Variants in SPTBN4 observed in about 807,000 individuals in gnomAD.
SPTBN4 encodes spectrin beta chain, non-erythrocytic 4.
SPTBN4 carries 96 observed loss-of-function variants against 277.8 expected under a neutral mutation model. That is an observed-to-expected ratio of 0.35 (90% CI 0.29 to 0.41). SPTBN4 has a LOEUF of 0.41. Ranked by LOEUF, SPTBN4 falls within the 10% of genes least tolerant of loss-of-function variation. The pLI, the probability that SPTBN4 is intolerant of heterozygous loss-of-function variation, is 1.00. For synonymous variants in SPTBN4, 1,481 were observed against 1,580.3 expected (o/e 0.94, Z 1.49); for missense variants, 3,006 against 3,595.7 (o/e 0.84, Z 4.19).
rs751186760 is a variant in SPTBN4 at position 40,509,406 on chromosome 19, C to T, written c.1816+3020C>T. 4.6e-5 allele frequency among the ~76,000 whole-genome samples: 7 copies of T among 151,718 alleles called. No homozygotes were observed. In the East Asian group the frequency reaches 7.7e-4, roughly 17 times the overall value. ...GATTATAGGCATGCGCCACCATGTC[C>T]GGCTAATTTTGTATTTTTAGTAGAG... is the stretch of plus-strand genomic sequence containing the variant. On this transcript the variant is annotated intron_variant, in intron 13 of 35. Transcript: ENST00000598249.
At position 40,512,939 on chromosome 19, in the gene SPTBN4, A is replaced by G. The variant is rs1488146849; in HGVS notation, c.2150A>G (p.Gln717Arg). Residue 717 changes from glutamine (Q) to arginine (R), a missense_variant, in exon 14 of 36, where the codon CAG (glutamine) becomes CGG (arginine). Physicochemically the swap from Gln to Arg is conservative, Grantham distance 43 (BLOSUM62 1). This residue lies in a region of SPTBN4 where 1,759 missense variants were observed against 2,061.5 expected (regional missense o/e 0.85). Transcript: ENST00000598249. ...GGCGGGCGGCGAGCGTTGCTGCAGC[A>G]GGCCCTGCGGTGTGGCGAGGAGCTG... ...ELGGRRALLQQALRCGEELVA... is the reference protein window; with the variant it reads ...ELGGRRALLQRALRCGEELVA... The G allele has an allele frequency of 2.1e-6, 3 of 1,422,432 alleles. No individual in the cohort carries two copies. The highest frequency in any genetic ancestry group is 2.7e-6 in the Non-Finnish European group (3 of 1,099,780). The allele number at this position is 1,422,432 out of a possible 1,614,324, so 88.1% of individuals were successfully genotyped here.
rs780665208 is a variant in SPTBN4, at chr19:40,515,362, C to G, written c.2817C>G (p.Asp939Glu). 13 of 1,610,026 alleles carry G rather than the reference C, an allele frequency of 8.1e-6. No individual in the cohort carries two copies. In the African/African-American group the frequency reaches 1.6e-4, roughly 20 times the overall value. Residue 939 changes from aspartate (D) to glutamate (E), a missense_variant, in exon 15 of 36, where the codon GAC (aspartate) becomes GAG (glutamate). Asp to Glu is a conservative substitution (Grantham distance 45). This residue lies in a region of SPTBN4 where 1,759 missense variants were observed against 2,061.5 expected (regional missense o/e 0.85). Coordinates refer to ENST00000598249, the MANE Select transcript of SPTBN4 (RefSeq NM_020971.3). The surrounding 1 kb of genome is among the most constrained non-coding windows in gnomAD (Gnocchi z 4.1). ...ACAGCCTGATGGGCCGCGTTCTGGACGTGAACCACACAGTCCAGGAGCTGG... is the reference window on the plus strand; with the variant it reads ...ACAGCCTGATGGGCCGCGTTCTGGAGGTGAACCACACAGTCCAGGAGCTGG... ...EMNSLMGRVL[D>E]VNHTVQELVE...
intron 5 of SPTBN4, among the ~76,000 whole-genome samples, chr19:40,494,063 C>A (rs926280717): frequency 6.6e-6 from 1 of 152,038 alleles, no homozygotes; most frequent in Non-Finnish European, 1.5e-5. Flanking sequence ...GGAAGGTTCC[C>A]TTTGGCCCCC....
At chr19:40,566,844 A>C (rs111323253) in intron 30 of SPTBN4, among the ~76,000 whole-genome samples, 21,804 of 151,864 alleles carry the variant, frequency 0.14, 1,616 homozygotes, top group Non-Finnish European at 0.16. Flanking sequence ...GCACGCCTGT[A>C]ATCCCAGCTA....
At chr19:40,483,108 T>A (rs550501620) in intron 2 of SPTBN4, among the ~76,000 whole-genome samples, 1 of 152,122 alleles carries the variant, frequency 6.6e-6, no homozygotes. Context: ...CCAAATCTAG[T>A]CCAAATCCCT....
intron 30 of SPTBN4, 135 bp downstream of exon 30, chr19:40,566,494 A>G (rs1195862685): frequency 2.5e-6 from 2 of 788,286 alleles, no homozygotes; most frequent in Non-Finnish European, 1.8e-6. Context: ...GACTCTTGCT[A>G]GGCTCCCAGT....
rs1374190713 is a variant in SPTBN4 at position 40,519,833 on chromosome 19, C to A, written c.3336C>A (p.Gly1112=). The change falls in exon 16 of 36, where the codon GGC becomes GGA. Residue 1112 remains glycine (G), a synonymous_variant. Transcript: ENST00000598249. The surrounding 1 kb of genome is among the most constrained non-coding windows in gnomAD (Gnocchi z 5.7). The part of the protein sequence containing the change: ...DWLVRAQEAA[G]GSEGPLPNSL... ...TCGTGCGCGCCCAGGAGGCGGCGGGCGGCAGCGAGGGGCCCCTGCCCAACA... is the reference window on the plus strand; with the variant it reads ...TCGTGCGCGCCCAGGAGGCGGCGGGAGGCAGCGAGGGGCCCCTGCCCAACA... 35 of 1,433,300 alleles carry A rather than the reference C, an allele frequency of 2.4e-5. No individual in the cohort carries two copies. Among genetic ancestry groups the A allele is most frequent in the Non-Finnish European group, 3.1e-5 (34 of 1,106,458 alleles). The allele number at this position is 1,433,300 out of a possible 1,614,324, so 88.8% of individuals were successfully genotyped here.
At chr19:40,507,256 A>C (rs932021669) in intron 13 of SPTBN4, among the ~76,000 whole-genome samples, 4 of 151,790 alleles carry the variant, frequency 2.6e-5, no homozygotes, top group African/African-American at 9.7e-5. Context: ...TCGAGGCTGC[A>C]GTAAGCCAAG....
rs2080157879 is a variant in SPTBN4, at chr19:40,493,194, A to T, written c.587+140A>T. On this transcript the variant is annotated intron_variant, in intron 5 of 35. Transcript: ENST00000598249. ...ACATCTGAAACTAACCAGCTGGTAAATAAAATATGTCCACTTCTCCAGCCT... is the reference window on the plus strand; with the variant it reads ...ACATCTGAAACTAACCAGCTGGTAATTAAAATATGTCCACTTCTCCAGCCT... 4.4e-5 allele frequency: 29 copies of T among 656,798 alleles called. No individual in the cohort carries two copies. The South Asian group carries it at 5.4e-4, about 12-fold the overall frequency. 40.7% of individuals were successfully genotyped at this position (656,798 alleles called of 1,614,324 possible).
Position 40,554,088 on chromosome 19 carries a change from TC to T in SPTBN4, c.4675-58del. 7.2e-7 allele frequency: 1 copy of T among 1,386,140 alleles called. No individual in the cohort carries two copies. The highest frequency in any genetic ancestry group is 9.3e-7 in the Non-Finnish European group (1 of 1,077,624). 85.9% of individuals were successfully genotyped at this position (1,386,140 alleles called of 1,614,324 possible). A position where few individuals can be genotyped will look rare whatever the true frequency, so the allele number is the denominator to read the frequency against. ...GTGCCAGTAGCAGAGGAGCGTGTGG[TC>T]TTGCAGGGCCTCGGAACGCCCCCTC... On this transcript the variant is annotated intron_variant, in intron 22 of 35. Coordinates refer to ENST00000598249, the MANE Select transcript of SPTBN4 (RefSeq NM_020971.3). This position sits in a 1 kb window ranked among gnomAD's most constrained non-coding sequence, Gnocchi z 5.7.
intron 18 of SPTBN4, among the ~76,000 whole-genome samples, chr19:40,532,193 G>A (rs1233571311): frequency 6.6e-6 from 1 of 151,778 alleles, no homozygotes; most frequent in Non-Finnish European, 1.5e-5. Context: ...ATTGGGGGGT[G>A]GCTAAGATTG....
intron 20 of SPTBN4, among the ~76,000 whole-genome samples, chr19:40,541,519 C>T (rs1021556342): frequency 1.3e-5 from 2 of 152,222 alleles, no homozygotes; most frequent in Admixed American, 1.3e-4. Flanking sequence ...GAGGGGTTGG[C>T]TGCCATCCAG....
At chr19:40,523,347 C>T (rs891957082) in intron 16 of SPTBN4, 90 bp from the exon 17 acceptor site, 12 of 1,263,924 alleles carry the variant, frequency 9.5e-6, no homozygotes, top group East Asian at 5.1e-5. Context: ...TGCAAGGTTG[C>T]GGGGAGTGGT....
intron 20 of SPTBN4, among the ~76,000 whole-genome samples, chr19:40,546,089 G>A (rs1271958133): frequency 6.7e-6 from 1 of 149,574 alleles, no homozygotes; most frequent in Non-Finnish European, 1.5e-5. Context: ...ACCGGGCGTG[G>A]TGATGTGTGC....
chr19:40,573,497 A>C (rs748910249), intron 35 of SPTBN4, among the ~76,000 whole-genome samples: 2 of 152,180 alleles, frequency 1.3e-5, no homozygotes, highest in African/African-American at 4.8e-5. Context: ...TTTTTTACCT[A>C]AGGGCACTGG....
Position 40,502,988 on chromosome 19 carries a change from G to A in SPTBN4, c.1362+55G>A, listed in dbSNP as rs1244858650. On this transcript the variant is annotated intron_variant, in intron 11 of 35. Transcript: ENST00000598249. This position sits in a 1 kb window ranked among gnomAD's most constrained non-coding sequence, Gnocchi z 4.9. ...AAAGGGACGGAGGGCGGGGCTGATGGTCCTGGGACCAGAGAGGGAGACTTG... is the reference window on the plus strand; with the variant it reads ...AAAGGGACGGAGGGCGGGGCTGATGATCCTGGGACCAGAGAGGGAGACTTG... The A allele has an allele frequency of 1.0e-5, 16 of 1,579,644 alleles. No individual in the cohort carries two copies. The highest frequency in any genetic ancestry group is 1.4e-5 in the Non-Finnish European group (16 of 1,161,844).
intron 33 of SPTBN4, 50 bp downstream of exon 33, chr19:40,570,778 C>G: frequency 3.8e-6 from 6 of 1,576,140 alleles, no homozygotes; most frequent in Non-Finnish European, 5.2e-6. Context: ...CTCAGGGTGA[C>G]CATTGCGTGG....
intron 15 of SPTBN4, among the ~76,000 whole-genome samples, chr19:40,516,408 T>G (rs929144027): frequency 3.3e-5 from 5 of 151,960 alleles, no homozygotes; most frequent in African/African-American, 1.2e-4. Context: ...GCTCAAGCGA[T>G]CCTCCCACCT....
At chr19:40,549,532 A>C in intron 21 of SPTBN4, 119 bp downstream of exon 21, 2 of 757,774 alleles carry the variant, frequency 2.6e-6, no homozygotes, top group Non-Finnish European at 4.0e-6. Context: ...ACGCTGAAAG[A>C]CGCATTCAGC....
Sources: gnomAD v4.1 joint callset for allele counts (sites outside exome capture counted in the v4.1 genomes callset) on GRCh38, gnomAD v4.1.1 for gene constraint, gnomAD v4.1.1 regional missense constraint, Gnocchi (gnomAD v3.1) non-coding constraint, MANE v1.5 for transcripts, NCBI Gene and HGNC (gene_info 2026-07-23, HGNC 2026-07-21) for gene names.